The following TMEM117 variants were observed in gnomAD, a reference collection of about 807,000 sequenced individuals.
The protein encoded by TMEM117 is transmembrane protein 117.
Under a neutral mutation model 52.4 loss-of-function variants are expected in TMEM117, and 27 were observed. The ratio of observed to expected loss-of-function variants is 0.51; its 90% CI spans 0.38 to 0.71. TMEM117 has a LOEUF of 0.71. Ranked by LOEUF, TMEM117 falls within the 30% of genes least tolerant of loss-of-function variation. The pLI is 0.00. For synonymous variants in TMEM117, 215 were observed against 206.3 expected (o/e 1.04, Z -0.36); for missense variants, 556 against 630.5 (o/e 0.88, Z 1.26).
intron 2 of TMEM117, among the ~76,000 whole-genome samples, chr12:43,886,146 A>G (rs1943990217): frequency 6.6e-6 from 1 of 152,210 alleles, no homozygotes; most frequent in Non-Finnish European, 1.5e-5. Flanking sequence ...GGCAGCAGAA[A>G]GAAGGATTAA....
At chr12:44,346,753 T>C (rs1171589276) in intron 6 of TMEM117, among the ~76,000 whole-genome samples, 1 of 152,048 alleles carries the variant, frequency 6.6e-6, no homozygotes, top group Admixed American at 6.6e-5. Context: ...GTTGAGTGCT[T>C]CCTCTGAATG....
intron 2 of TMEM117, among the ~76,000 whole-genome samples, chr12:43,935,683 T>G (rs2137591678): frequency 6.6e-6 from 1 of 152,354 alleles, no homozygotes; most frequent in Non-Finnish European, 1.5e-5. Context: ...TCCAGCCCTT[T>G]AAACTATGCT....
intron 6 of TMEM117, among the ~76,000 whole-genome samples, chr12:44,336,750 A>C (rs1460725431): frequency 6.6e-6 from 1 of 151,918 alleles, no homozygotes; most frequent in Non-Finnish European, 1.5e-5. Context: ...ACATGGTATC[A>C]GTCATAGAGC....
intron 3 of TMEM117, among the ~76,000 whole-genome samples, chr12:44,122,038 CTTTT>C (rs1338154641): frequency 2.1e-5 from 3 of 140,678 alleles, no homozygotes; most frequent in African/African-American, 9.3e-5. Context: ...TGATTTCATT[CTTTT>C]CTTTTCTTTT....
chr12:44,362,343 C>T (rs151116890), intron 6 of TMEM117, among the ~76,000 whole-genome samples: 261 of 152,252 alleles, frequency 1.7e-3, no homozygotes, highest in African/African-American at 6.0e-3. Context: ...AACGTAGCTT[C>T]TCCCAATCCT....
intron 5 of TMEM117, among the ~76,000 whole-genome samples, chr12:44,220,053 T>C (rs925185377): frequency 6.6e-6 from 1 of 152,182 alleles, no homozygotes; most frequent in African/African-American, 2.4e-5. Flanking sequence ...ATCTTTTCAC[T>C]ATCTTTGGAA....
chr12:43,984,853 G>A (rs1945821019), intron 3 of TMEM117, among the ~76,000 whole-genome samples: 1 of 152,086 alleles, frequency 6.6e-6, no homozygotes, highest in Non-Finnish European at 1.5e-5. Flanking sequence ...ATACCGAAAT[G>A]TCTTTTATTT....
the TMEM117 span, chr12:43,799,262 T>C: frequency 3.9e-6 from 2 of 508,364 alleles, no homozygotes; most frequent in Admixed American, 3.8e-5. Context: ...CACATAGCCT[T>C]ATCTCTAAAC....
the TMEM117 span, among the ~76,000 whole-genome samples, chr12:44,399,058 A>G: frequency 6.6e-6 from 1 of 152,170 alleles, no homozygotes; most frequent in Middle Eastern, 3.2e-3. Context: ...TACTCTATAA[A>G]TACATACAAC....
At chr12:44,043,882 CT>C (rs1472356269) in intron 3 of TMEM117, among the ~76,000 whole-genome samples, 1 of 152,124 alleles carries the variant, frequency 6.6e-6, no homozygotes, top group African/African-American at 2.4e-5. Context: ...TTGGATCGGG[CT>C]GAATTTATTG....
At chr12:44,180,884 G>A (rs1481689376) in intron 4 of TMEM117, among the ~76,000 whole-genome samples, 7 of 151,698 alleles carry the variant, frequency 4.6e-5, no homozygotes, top group Non-Finnish European at 1.0e-4. Context: ...GGGATGGCTG[G>A]GTCAAATGGT....
At chr12:43,820,373 A>C in the TMEM117 span, among the ~76,000 whole-genome samples, 1 of 152,300 alleles carries the variant, frequency 6.6e-6, no homozygotes, top group South Asian at 2.1e-4. Context: ...TCCCGGGTTC[A>C]CGCCATTCTC....
intron 3 of TMEM117, among the ~76,000 whole-genome samples, chr12:43,948,780 T>G (rs1945174644): frequency 6.6e-6 from 1 of 152,122 alleles, no homozygotes. Context: ...GAGGAGATAA[T>G]GCAGCTTGGT....
intron 2 of TMEM117, among the ~76,000 whole-genome samples, chr12:43,924,921 A>T (rs185204192): frequency 2.6e-5 from 4 of 152,286 alleles, no homozygotes; most frequent in African/African-American, 9.6e-5. Context: ...TATATCAGCC[A>T]GAGCTATAGT....
chr12:44,247,347 C>T (rs1221829434), intron 5 of TMEM117, among the ~76,000 whole-genome samples: 1 of 152,136 alleles, frequency 6.6e-6, no homozygotes, highest in Non-Finnish European at 1.5e-5. Flanking sequence ...GAGATAGCAA[C>T]AGGATGAGAC....
At chr12:44,365,448 G>A (rs549628332) in intron 6 of TMEM117, among the ~76,000 whole-genome samples, 1 of 152,076 alleles carries the variant, frequency 6.6e-6, no homozygotes, top group South Asian at 2.1e-4. Flanking sequence ...CCTGATGGGG[G>A]AAAATGTCAT....
intron 2 of TMEM117, among the ~76,000 whole-genome samples, chr12:43,939,680 G>C (rs1482335383): frequency 6.6e-6 from 1 of 152,176 alleles, no homozygotes; most frequent in Non-Finnish European, 1.5e-5. Context: ...GCACCTAATA[G>C]AGGTGGGTGG....
At chr12:44,045,746 G>A (rs902288587) in intron 3 of TMEM117, among the ~76,000 whole-genome samples, 1 of 152,148 alleles carries the variant, frequency 6.6e-6, no homozygotes, top group East Asian at 1.9e-4. Context: ...GGGAGGCTGA[G>A]GCAGGAGAAT....
chr12:44,072,959 G>A (rs1023439407), intron 3 of TMEM117, among the ~76,000 whole-genome samples: 2 of 152,116 alleles, frequency 1.3e-5, no homozygotes, highest in African/African-American at 4.8e-5. Flanking sequence ...GCATGGTGGT[G>A]TGTGCCTGTA....
Sources: allele counts gnomAD v4.1 joint callset (sites outside exome capture counted in the v4.1 genomes callset), GRCh38; gene constraint gnomAD v4.1.1; transcripts MANE v1.5; gene names NCBI Gene and HGNC (gene_info 2026-07-23, HGNC 2026-07-21).